Variants in CDK14 observed in about 807,000 individuals in gnomAD.
CDK14 encodes cyclin-dependent kinase 14.
CDK14 carries 34 observed loss-of-function variants against 60.7 expected under a neutral mutation model. The observed-to-expected ratio is 0.56, with a 90% CI of 0.43 to 0.75. The LOEUF (loss-of-function observed/expected upper bound fraction) is 0.75. CDK14 is among the 30% of genes least tolerant of loss of function. The probability of loss-of-function intolerance (pLI) is 0.00; values close to 1 mark genes in which losing one functional copy is unlikely to be tolerated. For missense variants in CDK14, 482 were observed against 564.1 expected (o/e 0.85, Z 1.47); for synonymous variants, 197 against 203.7 (o/e 0.97, Z 0.28).
chr7:91,177,581 C>T (rs1376836212), intron 14 of CDK14, among the ~76,000 whole-genome samples: 2 of 152,122 alleles, frequency 1.3e-5, no homozygotes, highest in African/African-American at 2.4e-5. Flanking sequence ...AGCCCGAAAT[C>T]TCCTTAAGCT....
rs537728656 is a variant in CDK14 at position 91,172,521 on chromosome 7, T to C, written c.*29-34644T>C. Among the ~76,000 whole-genome samples, 8 of 152,258 alleles carry C rather than the reference T, an allele frequency of 5.3e-5. No homozygotes were observed. In the East Asian group the frequency reaches 1.5e-3, roughly 29 times the overall value. On this transcript the variant is annotated intron_variant, in intron 14 of 14. Transcript: ENST00000380050. ...GCTAGAAGATATTTATTTCCAAAAC[T>C]CCAAATCTAAGCAGTCACTTCCTGA...
At chr7:90,612,917 C>T (rs566787692) in intron 2 of CDK14, among the ~76,000 whole-genome samples, 2 of 152,066 alleles carry the variant, frequency 1.3e-5, no homozygotes, top group East Asian at 3.9e-4. Context: ...TGCCAGTAAT[C>T]CAGAAAGTCA....
At chr7:90,672,502 G>GTTTTTTTTTTCT (rs1801116292) in intron 2 of CDK14, among the ~76,000 whole-genome samples, 1 of 49,984 alleles carries the variant, frequency 2.0e-5, no homozygotes, top group Non-Finnish European at 3.4e-5. Flanking sequence ...TTCTTCTTCT[G>GTTTTTTTTTTCT]TTTTTTTTTT....
At chr7:91,013,675 T>C (rs1384204167) in intron 10 of CDK14, among the ~76,000 whole-genome samples, 1 of 141,066 alleles carries the variant, frequency 7.1e-6, no homozygotes, top group East Asian at 2.1e-4. Flanking sequence ...TTTTTTTTTT[T>C]CTTTTTTTCT....
intron 11 of CDK14, among the ~76,000 whole-genome samples, chr7:91,078,543 G>T (rs1186115626): frequency 6.6e-6 from 1 of 152,114 alleles, no homozygotes; most frequent in African/African-American, 2.4e-5. Context: ...GGAGGCGGAG[G>T]TTGCAGTGAG....
intron 5 of CDK14, among the ~76,000 whole-genome samples, chr7:90,846,372 A>T (rs1158405710): frequency 1.3e-5 from 2 of 152,158 alleles, no homozygotes; most frequent in African/African-American, 2.4e-5. Flanking sequence ...AAAGTTATTT[A>T]TGGCTCTTCT....
intron 10 of CDK14, among the ~76,000 whole-genome samples, chr7:90,989,625 T>A (rs560499080): frequency 5.3e-5 from 8 of 152,222 alleles, no homozygotes; most frequent in Non-Finnish European, 1.2e-4. Flanking sequence ...GGTCAGCAGA[T>A]GTGAGACCCA....
intron 2 of CDK14, among the ~76,000 whole-genome samples, chr7:90,621,516 G>A (rs1322797016): frequency 6.6e-6 from 1 of 152,162 alleles, no homozygotes; most frequent in Non-Finnish European, 1.5e-5. Context: ...ACAGTCCTTT[G>A]CACCTAGTAG....
chr7:90,618,070 C>T (rs1320404741), intron 2 of CDK14, among the ~76,000 whole-genome samples: 1 of 152,170 alleles, frequency 6.6e-6, no homozygotes, highest in Non-Finnish European at 1.5e-5. Flanking sequence ...CATTCATTTT[C>T]TTCGAATCCT....
intron 6 of CDK14, among the ~76,000 whole-genome samples, chr7:90,872,822 C>G (rs1166386709): frequency 6.6e-6 from 1 of 152,164 alleles, no homozygotes; most frequent in African/African-American, 2.4e-5. Context: ...TGCCTATCCA[C>G]AAAAGCACAC....
At chr7:91,137,462 T>G (rs1371358306) in intron 14 of CDK14, among the ~76,000 whole-genome samples, 3 of 152,138 alleles carry the variant, frequency 2.0e-5, no homozygotes, top group African/African-American at 7.2e-5. Flanking sequence ...ATGCCTTGCT[T>G]TCTGGGAAAA....
chr7:91,151,381 A>G (rs1330076556), intron 14 of CDK14, among the ~76,000 whole-genome samples: 3 of 152,216 alleles, frequency 2.0e-5, no homozygotes, highest in Non-Finnish European at 4.4e-5. Context: ...CCAGACAACT[A>G]TGAATTTAAT....
At chr7:91,055,793 C>T (rs1584270180) in intron 11 of CDK14, among the ~76,000 whole-genome samples, 1 of 152,108 alleles carries the variant, frequency 6.6e-6, no homozygotes, top group Non-Finnish European at 1.5e-5. Context: ...GAATTTATAG[C>T]AGAATTAAAT....
intron 11 of CDK14, among the ~76,000 whole-genome samples, chr7:91,059,558 C>T (rs1039508239): frequency 6.6e-6 from 1 of 152,084 alleles, no homozygotes. Context: ...ATAAATTTCC[C>T]TCTACACACT....
chr7:91,013,127 G>C (rs1271325845), intron 10 of CDK14, among the ~76,000 whole-genome samples: 3 of 152,204 alleles, frequency 2.0e-5, no homozygotes, highest in African/African-American at 7.2e-5. Flanking sequence ...CACTACTCTA[G>C]AAGTTCCCAA....
At chr7:90,938,741 T>A (rs1793827472) in intron 8 of CDK14, among the ~76,000 whole-genome samples, 1 of 152,192 alleles carries the variant, frequency 6.6e-6, no homozygotes, top group South Asian at 2.1e-4. Context: ...CAAAACAAGG[T>A]TTACAGAAAA....
chr7:90,844,859 G>C (rs1376630891), intron 5 of CDK14, among the ~76,000 whole-genome samples: 1 of 152,060 alleles, frequency 6.6e-6, no homozygotes, highest in East Asian at 1.9e-4. Context: ...CGGAGGAAAG[G>C]TGAGGCTTCA....
chr7:90,808,759 G>A (rs1023138267), intron 5 of CDK14, among the ~76,000 whole-genome samples: 7 of 152,140 alleles, frequency 4.6e-5, no homozygotes, highest in Admixed American at 1.3e-4. Flanking sequence ...TCAAAATAAA[G>A]GGATGGAGGA....
At chr7:90,609,937 G>A (rs1179820511) in intron 2 of CDK14, among the ~76,000 whole-genome samples, 4 of 152,102 alleles carry the variant, frequency 2.6e-5, no homozygotes, top group Non-Finnish European at 4.4e-5. Context: ...TGACTTTCTC[G>A]TCTCATACCT....
Sources: gnomAD v4.1 joint callset for allele counts (sites outside exome capture counted in the v4.1 genomes callset) on GRCh38, gnomAD v4.1.1 for gene constraint, MANE v1.5 for transcripts, NCBI Gene and HGNC (gene_info 2026-07-23, HGNC 2026-07-21) for gene names.